The following RIMS1 variants were observed in gnomAD, a reference collection of about 807,000 sequenced individuals.
RIMS1 encodes the protein regulating synaptic membrane exocytosis 1.
RIMS1 carries 83 observed loss-of-function variants against 214.1 expected under a neutral mutation model. That is an observed-to-expected ratio of 0.39 (90% CI 0.32 to 0.47). The LOEUF (loss-of-function observed/expected upper bound fraction) is 0.47, where lower values mean the gene tolerates loss of function less well. RIMS1 is among the 20% of genes least tolerant of loss of function. The probability of loss-of-function intolerance (pLI) is 0.99; values close to 1 mark genes in which losing one functional copy is unlikely to be tolerated. For missense variants in RIMS1, 2,050 were observed against 2,161.8 expected, an observed-to-expected ratio of 0.95 and a Z score of 1.03; for synonymous variants, 793 against 786.8, an observed-to-expected ratio of 1.01 and a Z score of -0.13.
intron 4 of RIMS1, among the ~76,000 whole-genome samples, chr6:72,162,162 G>A (rs1221667831): frequency 7.1e-6 from 1 of 140,358 alleles, no homozygotes; most frequent in Non-Finnish European, 1.6e-5. Context: ...TGTCTCTTTT[G>A]ATCTTTGTTG....
At position 72,351,770 on chromosome 6, in the gene RIMS1, G is replaced by A. The variant is rs562089961; in HGVS notation, c.4366+17935G>A. ...GTAAATATCCAGAATCTTCAGTGTC[G>A]ATGGTGAGCATTTTGTCATTTATAA... On this transcript the variant is annotated intron_variant, in intron 29 of 33. Transcript: ENST00000521978. Among the ~76,000 whole-genome samples, 8 of 152,184 alleles carry A rather than the reference G, an allele frequency of 5.3e-5. No individual in the cohort carries two copies. In the South Asian group the frequency reaches 8.3e-4, roughly 16 times the overall value.
At chr6:72,250,740 T>G (rs2072911527) in intron 13 of RIMS1, among the ~76,000 whole-genome samples, 181 bp from the exon 14 acceptor site, 1 of 152,164 alleles carries the variant, frequency 6.6e-6, no homozygotes, top group Non-Finnish European at 1.5e-5. Context: ...GTCCCTATAA[T>G]TACAATACTG....
intron 31 of RIMS1, among the ~76,000 whole-genome samples, chr6:72,393,562 A>G (rs1432693761): frequency 1.3e-5 from 2 of 151,964 alleles, no homozygotes; most frequent in Admixed American, 1.3e-4. Flanking sequence ...CGTCTCTACT[A>G]AAAATACAAA....
At chr6:72,162,806 T>A (rs538020473) in intron 4 of RIMS1, among the ~76,000 whole-genome samples, 2 of 140,560 alleles carry the variant, frequency 1.4e-5, no homozygotes, top group African/African-American at 2.5e-5. Flanking sequence ...CCTTTCTCTC[T>A]GGCTGCCCTT....
chr6:72,148,703 G>A (rs184943803), intron 4 of RIMS1: 40 of 368,408 alleles, frequency 1.1e-4, no homozygotes, highest in Admixed American at 3.8e-4. Flanking sequence ...TTGGGTTTGC[G>A]GAGACTTGGG....
chr6:72,132,845 A>G (rs1456527380), intron 4 of RIMS1, among the ~76,000 whole-genome samples: 2 of 152,146 alleles, frequency 1.3e-5, no homozygotes, highest in African/African-American at 4.8e-5. Context: ...CTCTCTATCA[A>G]CTTCACCTTT....
At chr6:72,047,778 C>T (rs1039149475) in intron 2 of RIMS1, among the ~76,000 whole-genome samples, 4 of 152,122 alleles carry the variant, frequency 2.6e-5, no homozygotes, top group Admixed American at 2.6e-4. Flanking sequence ...ATATCGTCTT[C>T]CCAATCAGAA....
chr6:72,051,923 A>G (rs184868059), intron 2 of RIMS1, among the ~76,000 whole-genome samples: 1 of 152,292 alleles, frequency 6.6e-6, no homozygotes, highest in East Asian at 1.9e-4. Context: ...AGATGACCAA[A>G]GAAGTTTTAA....
chr6:72,116,524 CACTT>C (rs2153825388), intron 4 of RIMS1, among the ~76,000 whole-genome samples: 1 of 152,068 alleles, frequency 6.6e-6, no homozygotes, highest in African/African-American at 2.4e-5. Context: ...TTCAAATCCC[CACTT>C]ACTTACATTT....
chr6:72,101,158 C>T (rs1023673288), intron 4 of RIMS1, among the ~76,000 whole-genome samples: 1 of 151,862 alleles, frequency 6.6e-6, no homozygotes, highest in African/African-American at 2.4e-5. Context: ...AAACTGCTCT[C>T]CTGTAGGGCT....
intron 4 of RIMS1, among the ~76,000 whole-genome samples, chr6:72,116,855 G>A (rs1178898956): frequency 1.3e-5 from 2 of 151,928 alleles, no homozygotes; most frequent in African/African-American, 4.8e-5. Context: ...AATTGTGGAG[G>A]CAGACATTTT....
At chr6:72,119,861 TTC>T (rs1220835655) in intron 4 of RIMS1, among the ~76,000 whole-genome samples, 1 of 151,650 alleles carries the variant, frequency 6.6e-6, no homozygotes, top group African/African-American at 2.4e-5. Context: ...TGTCCAAGTA[TTC>T]TCATTGTTCA....
chr6:71,991,263 TA>T lies in RIMS1; in HGVS notation c.245+22211del, dbSNP rs964087750. Among the ~76,000 whole-genome samples, 125 of 147,570 alleles carry T rather than the reference TA, an allele frequency of 8.5e-4. No homozygotes were observed. In the East Asian group the frequency reaches 0.016, roughly 19 times the overall value. The stretch of plus-strand genomic sequence containing the variant: ...TATATGAATCACTTGTCTTTTTAAT[TA>T]AAAAAAAAAACTTTAGTTTTTTAAC... On this transcript the variant is annotated intron_variant, in intron 2 of 33. Transcript: ENST00000521978.
rs2045131603 is a variant in RIMS1, at chr6:72,160,124, G to T, written c.472-19451G>T. Among the ~76,000 whole-genome samples, 2 of 102,824 alleles carry T rather than the reference G, an allele frequency of 1.9e-5. 1 individual carries two copies. Among genetic ancestry groups the T allele is most frequent in the Non-Finnish European group, 4.4e-5 (2 of 45,934 alleles). 67.5% of individuals were successfully genotyped at this position (102,824 alleles called of 152,430 possible). A position where few individuals can be genotyped will look rare whatever the true frequency, so the allele number is the denominator to read the frequency against. ...CCTTCACATCCCTCTTGGATTCCTA[G>T]GTATTTTATTCTCTTTGAAGGAATT... On this transcript the variant is annotated intron_variant, in intron 4 of 33. Transcript: ENST00000521978.
chr6:72,383,510 A>G (rs2098529818), intron 29 of RIMS1, among the ~76,000 whole-genome samples: 2 of 151,032 alleles, frequency 1.3e-5, no homozygotes, highest in Non-Finnish European at 2.9e-5. Flanking sequence ...ACAGTGGCTC[A>G]TGCCTGTAAT....
chr6:72,360,001 C>T (rs1024146330), intron 29 of RIMS1, among the ~76,000 whole-genome samples: 4 of 152,150 alleles, frequency 2.6e-5, no homozygotes, highest in Non-Finnish European at 5.9e-5. Flanking sequence ...AGATTTCTAA[C>T]ACAAGTTGTA....
intron 2 of RIMS1, among the ~76,000 whole-genome samples, chr6:72,025,822 G>A (rs1816263423): frequency 6.6e-6 from 1 of 152,200 alleles, no homozygotes; most frequent in Non-Finnish European, 1.5e-5. Context: ...GATGTTAGCT[G>A]ATGCTATATT....
intron 2 of RIMS1, among the ~76,000 whole-genome samples, chr6:72,011,359 C>G (rs546932942): frequency 2.0e-5 from 3 of 152,138 alleles, no homozygotes; most frequent in Admixed American, 1.3e-4. Flanking sequence ...AATGTTGGAC[C>G]TAAAACCATA....
chr6:71,969,457 G>A (rs928833280), intron 2 of RIMS1, among the ~76,000 whole-genome samples: 5 of 152,114 alleles, frequency 3.3e-5, no homozygotes, highest in Non-Finnish European at 7.4e-5. Flanking sequence ...GAAATGCATA[G>A]GTAGTCCATT....
Sources: allele counts gnomAD v4.1 joint callset (sites outside exome capture counted in the v4.1 genomes callset), GRCh38; gene constraint gnomAD v4.1.1; transcripts MANE v1.5; gene names NCBI Gene and HGNC (gene_info 2026-07-23, HGNC 2026-07-21).